The following PHTF2 variants were observed in gnomAD, a reference collection of about 807,000 sequenced individuals.
The protein encoded by PHTF2 is protein PHTF2.
A neutral mutation model predicts 101.2 loss-of-function variants in PHTF2; 60 were observed. That is an observed-to-expected ratio of 0.59 (90% CI 0.48 to 0.73). PHTF2 has a LOEUF of 0.73. Ranked by LOEUF, PHTF2 falls within the 30% of genes least tolerant of loss-of-function variation. PHTF2 has a pLI of 0.00. For synonymous variants in PHTF2, 311 were observed against 307.3 expected (o/e 1.01, Z -0.13); for missense variants, 747 against 908.7 (o/e 0.82, Z 2.29).
intron 1 of PHTF2, among the ~76,000 whole-genome samples, chr7:77,833,162 A>G (rs1247862172): frequency 6.6e-6 from 1 of 152,208 alleles, no homozygotes; most frequent in Non-Finnish European, 1.5e-5. Flanking sequence ...ATTAAATGGA[A>G]GAATTTGGGA....
chr7:77,800,450 G>A (rs1382162829), intron 1 of PHTF2, among the ~76,000 whole-genome samples: 1 of 152,274 alleles, frequency 6.6e-6, no homozygotes, highest in Non-Finnish European at 1.5e-5. Context: ...GAGAGTTTTC[G>A]TGTTCCAATT....
At chr7:77,920,304 G>C in exon 10 of PHTF2, 4 of 1,593,070 alleles carry the variant, frequency 2.5e-6, no homozygotes, top group Non-Finnish European at 3.4e-6. Flanking sequence ...GAATTCAATT[G>C]ATAAATCAAC....
At chr7:77,869,159 G>A (rs1055962213) in intron 3 of PHTF2, among the ~76,000 whole-genome samples, 11 of 151,990 alleles carry the variant, frequency 7.2e-5, no homozygotes, top group Admixed American at 4.6e-4. Context: ...TAATTGATAC[G>A]TAATTAATTA....
At chr7:77,808,183 T>G (rs1214594042) in intron 1 of PHTF2, among the ~76,000 whole-genome samples, 1 of 152,164 alleles carries the variant, frequency 6.6e-6, no homozygotes, top group Non-Finnish European at 1.5e-5. Flanking sequence ...AGATTCAATA[T>G]ATATTTTAGT....
intron 11 of PHTF2, chr7:77,923,122 C>A (rs1803638913): frequency 1.0e-6 from 1 of 999,002 alleles, no homozygotes; most frequent in Non-Finnish European, 1.2e-6. Context: ...TTGATCATAG[C>A]AAAGTTATTT....
intron 16 of PHTF2, 90 bp downstream of exon 15, chr7:77,942,876 C>G: frequency 1.5e-6 from 1 of 659,758 alleles, no homozygotes; most frequent in Non-Finnish European, 2.4e-6. Context: ...TATAAGTAAG[C>G]CTAGTTAGAA....
intron 17 of PHTF2, 133 bp downstream of exon 16, chr7:77,949,966 A>G: frequency 7.8e-6 from 4 of 512,930 alleles, no homozygotes. Context: ...GTAAAATTTA[A>G]TAGGACACAA....
At chr7:77,886,716 A>C (rs1799881122) in intron 3 of PHTF2, among the ~76,000 whole-genome samples, 1 of 152,194 alleles carries the variant, frequency 6.6e-6, no homozygotes, top group Non-Finnish European at 1.5e-5. Flanking sequence ...TTATAAAAGT[A>C]GTACATCTCC....
intron 12 of PHTF2, among the ~76,000 whole-genome samples, chr7:77,937,374 A>G (rs1269719917): frequency 6.6e-6 from 1 of 152,148 alleles, no homozygotes; most frequent in Non-Finnish European, 1.5e-5. Context: ...ATGTTTTAGT[A>G]TATTTTTGAA....
At chr7:77,890,158 A>G (rs1021873933) in intron 3 of PHTF2, among the ~76,000 whole-genome samples, 4 of 152,024 alleles carry the variant, frequency 2.6e-5, no homozygotes, top group African/African-American at 4.8e-5. Flanking sequence ...AGGAATGTCT[A>G]TCCACCCACC....
At chr7:77,885,342 C>T (rs1799743366) in intron 3 of PHTF2, among the ~76,000 whole-genome samples, 1 of 152,194 alleles carries the variant, frequency 6.6e-6, no homozygotes, top group South Asian at 2.1e-4. Flanking sequence ...AGTGATCCTC[C>T]TGCCTTGGCC....
intron 1 of PHTF2, among the ~76,000 whole-genome samples, chr7:77,829,055 A>G: frequency 6.6e-6 from 1 of 152,084 alleles, no homozygotes; most frequent in East Asian, 1.9e-4. Context: ...GATGGTGTCC[A>G]CCTGTAGTCC....
chr7:77,887,747 A>G (rs537064892), intron 3 of PHTF2, among the ~76,000 whole-genome samples: 120 of 152,298 alleles, frequency 7.9e-4, no homozygotes, highest in African/African-American at 2.7e-3. Flanking sequence ...GGTCATCTGG[A>G]ACCAGGAATG....
Position 77,908,890 on chromosome 7 carries a change from T to A in PHTF2, c.543T>A (p.Thr181=), listed in dbSNP as rs773668092. Residue 181 remains threonine, a synonymous_variant, in exon 8 of 20, where the codon ACT becomes ACA. Coordinates refer to ENST00000416283, the Ensembl canonical transcript of PHTF2. Reference sequence around the variant, plus strand: ...TATGGCTGATGCTGCTCCTGGGAACTGTGCATTGCCAGATTGTTTCCACAA... The same window carrying A: ...TATGGCTGATGCTGCTCCTGGGAACAGTGCATTGCCAGATTGTTTCCACAA... 3 of 1,613,134 alleles carry A rather than the reference T, an allele frequency of 1.9e-6. No individual in the cohort carries two copies. In the African/African-American group the frequency reaches 4.0e-5, roughly 22 times the overall value.
chr7:77,814,177 C>T (rs1284446251), intron 1 of PHTF2, among the ~76,000 whole-genome samples: 2 of 152,114 alleles, frequency 1.3e-5, no homozygotes, highest in Admixed American at 6.6e-5. Flanking sequence ...TCATTGTTCA[C>T]AGCTGTGTTA....
At chr7:77,911,647 A>C (rs1314044043) in intron 9 of PHTF2, among the ~76,000 whole-genome samples, 1 of 152,230 alleles carries the variant, frequency 6.6e-6, no homozygotes, top group Non-Finnish European at 1.5e-5. Flanking sequence ...CATGCATTAC[A>C]GAACTAAGCA....
chr7:77,893,994 G>GTT lies in PHTF2; in HGVS notation c.216+2_216+3insTT. The stretch of plus-strand genomic sequence containing the variant: ...TTGCTCTGTACAGTTTATTAAACTG[G>GTT]TAAGTGTTTCAGGATTTTTCCCGCC... On this transcript the variant is annotated splice_donor_variant, in intron 5 of 19. Transcript: ENST00000416283. LOFTEE classifies it high-confidence loss of function. 6.2e-7 allele frequency: 1 copy of GTT among 1,600,702 alleles called. No individual in the cohort carries two copies. Among genetic ancestry groups the GTT allele is most frequent in the Non-Finnish European group, 8.6e-7 (1 of 1,168,084 alleles).
At chr7:77,803,833 A>G (rs1265254243) in intron 1 of PHTF2, among the ~76,000 whole-genome samples, 1 of 152,306 alleles carries the variant, frequency 6.6e-6, no homozygotes, top group East Asian at 1.9e-4. Context: ...GCAGAGTTGA[A>G]TAATCATTTT....
chr7:77,807,580 T>C (rs1793093607), intron 1 of PHTF2, among the ~76,000 whole-genome samples: 1 of 152,200 alleles, frequency 6.6e-6, no homozygotes, highest in Admixed American at 6.5e-5. Flanking sequence ...GTAGGAGTCA[T>C]CTATATATTC....
Sources: allele counts gnomAD v4.1 joint callset (sites outside exome capture counted in the v4.1 genomes callset), GRCh38; gene constraint gnomAD v4.1.1; transcripts MANE v1.5; gene names NCBI Gene and HGNC (gene_info 2026-07-23, HGNC 2026-07-21).